AGAP1: variants seen among roughly 807,000 people sequenced by gnomAD.
The protein encoded by AGAP1 is ArfGAP with GTPase domain, ankyrin repeat and PH domain 1, also known as arf-GAP with GTPase, ANK repeat and PH domain-containing protein 1.
AGAP1 carries 29 observed loss-of-function variants against 105.3 expected under a neutral mutation model. The observed-to-expected ratio is 0.28, with a 90% CI of 0.21 to 0.38. AGAP1 has a LOEUF of 0.38. Among genes scored for constraint, AGAP1 ranks in the 10% least tolerant of loss-of-function variants. The pLI, the probability that AGAP1 is intolerant of heterozygous loss-of-function variation, is 1.00. For synonymous variants in AGAP1, 509 were observed against 485.9 expected (o/e 1.05, Z -0.63); for missense variants, 998 against 1,165.1 (o/e 0.86, Z 2.09).
intron 16 of AGAP1, among the ~76,000 whole-genome samples, chr2:236,106,452 C>T (rs547067287): frequency 1.2e-4 from 18 of 152,334 alleles, no homozygotes; most frequent in Admixed American, 9.1e-4. Context: ...CCCGGGCTGT[C>T]GTGTGCGTGA....
rs938652165 is a variant in AGAP1 at position 235,744,618 on chromosome 2, C to A, written c.397-80C>A. On this transcript the variant is annotated intron_variant, in intron 4 of 17. Transcript: ENST00000304032. This position sits in a 1 kb window ranked among gnomAD's most constrained non-coding sequence, Gnocchi z 5.2. ...GGGGATTCCTGCAGCCCCCTGCTGC[C>A]TGCCGCCATGCAGACATCTCTGTTC... The A allele has an allele frequency of 5.1e-6, 8 of 1,565,046 alleles. No individual in the cohort carries two copies. In the South Asian group the frequency reaches 9.2e-5, roughly 18 times the overall value.
chr2:235,513,825 A>T (rs1401356453), intron 1 of AGAP1, among the ~76,000 whole-genome samples: 1 of 152,174 alleles, frequency 6.6e-6, no homozygotes, highest in Non-Finnish European at 1.5e-5. Flanking sequence ...AGAAGCATTG[A>T]AACTGGTTTG....
chr2:235,783,701 A>AT (rs1248051529), intron 6 of AGAP1, among the ~76,000 whole-genome samples: 1 of 151,798 alleles, frequency 6.6e-6, no homozygotes, highest in Non-Finnish European at 1.5e-5. Context: ...AATCGGAAGA[A>AT]TGGTTGCCAG....
chr2:235,796,600 C>G (rs997775055), intron 6 of AGAP1, among the ~76,000 whole-genome samples: 1 of 152,166 alleles, frequency 6.6e-6, no homozygotes, highest in Non-Finnish European at 1.5e-5. Flanking sequence ...CATATTTATA[C>G]TATCATTCAT....
At position 235,691,241 on chromosome 2, in the gene AGAP1, G is replaced by A. The variant is rs779602768; in HGVS notation, c.164-17938G>A. ...TTCCCACCGTCAATCAAGCACATGCGCATAGGGCTCTGTGCCTGGCCCCAG... is the reference window on the plus strand; with the variant it reads ...TTCCCACCGTCAATCAAGCACATGCACATAGGGCTCTGTGCCTGGCCCCAG... On this transcript the variant is annotated intron_variant, in intron 1 of 17. Coordinates refer to ENST00000304032, the MANE Select transcript of AGAP1 (RefSeq NM_001037131.3). This position sits in a 1 kb window ranked among gnomAD's most constrained non-coding sequence, Gnocchi z 4.4. 1.3e-5 allele frequency among the ~76,000 whole-genome samples: 2 copies of A among 152,106 alleles called. No individual in the cohort carries two copies. Among genetic ancestry groups the A allele is most frequent in the African/African-American group, 2.4e-5 (1 of 41,412 alleles).
chr2:235,615,763 C>A lies in AGAP1; in HGVS notation c.164-93416C>A, dbSNP rs1316143844. Among the ~76,000 whole-genome samples the A allele has an allele frequency of 2.0e-5, 3 of 152,032 alleles. No individual in the cohort carries two copies. Among genetic ancestry groups the A allele is most frequent in the African/African-American group, 7.2e-5 (3 of 41,388 alleles). On this transcript the variant is annotated intron_variant, in intron 1 of 17. Coordinates refer to ENST00000304032, the MANE Select transcript of AGAP1 (RefSeq NM_001037131.3). The surrounding 1 kb of genome is among the most constrained non-coding windows in gnomAD (Gnocchi z 5.0). ...CTCAAAAAATGAATTTTTGAGTGTT[C>A]CTATATTCTTGGGGATGAACTTCAA...
Position 235,973,493 on chromosome 2 carries a change from A to G in AGAP1, c.1645+4870A>G, listed in dbSNP as rs2054737678. Among the ~76,000 whole-genome samples, 1 of 152,048 alleles carries G rather than the reference A, an allele frequency of 6.6e-6. No individual in the cohort carries two copies. Among genetic ancestry groups the G allele is most frequent in the African/African-American group, 2.4e-5 (1 of 41,400 alleles). ...TTGAGACCAATGGAAGGAAATTGAGATGTGACTGGGCAGGATGGTGACAGG... is the reference window on the plus strand; with the variant it reads ...TTGAGACCAATGGAAGGAAATTGAGGTGTGACTGGGCAGGATGGTGACAGG... On this transcript the variant is annotated intron_variant, in intron 13 of 17. Transcript: ENST00000304032. This position sits in a 1 kb window ranked among gnomAD's most constrained non-coding sequence, Gnocchi z 4.7.
intron 1 of AGAP1, among the ~76,000 whole-genome samples, chr2:235,531,728 C>T (rs929420495): frequency 4.6e-5 from 7 of 151,932 alleles, no homozygotes; most frequent in African/African-American, 1.7e-4. Flanking sequence ...CCGTCTCAGC[C>T]TCCCAGAGTA....
intron 13 of AGAP1, among the ~76,000 whole-genome samples, chr2:235,986,539 T>G (rs1301639904): frequency 6.6e-6 from 1 of 152,178 alleles, no homozygotes; most frequent in East Asian, 1.9e-4. Flanking sequence ...AGAGCATCCT[T>G]GTCTTGTACC....
rs568461361 is a variant in AGAP1 at position 235,741,430 on chromosome 2, C to T, written c.396+382C>T. ...CTCTAGAGCAGTGAGAGTTAGAGAG[C>T]TTGCTGGGTGCAATTGGGAGTCCCA... On this transcript the variant is annotated intron_variant, in intron 4 of 17. Transcript: ENST00000304032. This position sits in a 1 kb window ranked among gnomAD's most constrained non-coding sequence, Gnocchi z 4.9. 3.5e-4 allele frequency among the ~76,000 whole-genome samples: 54 copies of T among 152,300 alleles called. No individual in the cohort carries two copies. The highest frequency in any genetic ancestry group is 1.3e-3 in the African/African-American group (53 of 41,578).
chr2:235,565,009 A>C (rs1386504014), intron 1 of AGAP1, among the ~76,000 whole-genome samples: 2 of 139,370 alleles, frequency 1.4e-5, no homozygotes, highest in African/African-American at 2.7e-5. Context: ...GGTGTAAGCC[A>C]GGGTCATCCT....
intron 12 of AGAP1, among the ~76,000 whole-genome samples, chr2:235,954,502 T>C (rs1470803403): frequency 6.7e-6 from 1 of 150,284 alleles, no homozygotes; most frequent in Non-Finnish European, 1.5e-5. Context: ...CTCCTTACAA[T>C]GCCTCATCTT....
At chr2:236,043,760 T>A (rs2057632531) in intron 15 of AGAP1, among the ~76,000 whole-genome samples, 1 of 150,912 alleles carries the variant, frequency 6.6e-6, no homozygotes. Context: ...TTAATTGAGA[T>A]AAAGAAACTT....
intron 6 of AGAP1, among the ~76,000 whole-genome samples, chr2:235,785,916 C>T (rs867391435): frequency 2.0e-5 from 3 of 151,712 alleles, no homozygotes; most frequent in Admixed American, 6.6e-5. Flanking sequence ...TTAAAAAAAA[C>T]GTGGATGGAA....
Position 235,590,712 on chromosome 2 carries a change from T to TGTGCGC in AGAP1, c.163+95864_163+95865insTGCGCG, listed in dbSNP as rs369129304. ...GTGTGCGTGTGTGTGTGTGTGTGTG[T>TGTGCGC]GCATTTTTTTTTTTTTTTTTTTTTT... On this transcript the variant is annotated intron_variant, in intron 1 of 17. Transcript: ENST00000304032. Among the ~76,000 whole-genome samples, 421 of 117,032 alleles carry TGTGCGC rather than the reference T, an allele frequency of 3.6e-3. 3 individuals are homozygous for TGTGCGC. The highest frequency in any genetic ancestry group is 5.0e-3 in the Non-Finnish European group (305 of 60,546). The allele number at this position is 117,032 out of a possible 152,430, so 76.8% of individuals were successfully genotyped here. A position where few individuals can be genotyped will look rare whatever the true frequency, so the allele number is the denominator to read the frequency against.
chr2:235,505,533 G>A (rs560933080), intron 1 of AGAP1, among the ~76,000 whole-genome samples: 49 of 152,274 alleles, frequency 3.2e-4, no homozygotes, highest in Non-Finnish European at 5.6e-4. Context: ...ATTTTATCAA[G>A]CCTCTGCACT....
Position 235,904,194 on chromosome 2 carries a change from G to A in AGAP1, c.1156-4544G>A, listed in dbSNP as rs879857580. Among the ~76,000 whole-genome samples the A allele has an allele frequency of 4.6e-5, 7 of 152,112 alleles. No homozygotes were observed. The highest frequency in any genetic ancestry group is 1.9e-4 in the East Asian group (1 of 5,180). ...CATTAATGCAGCTAATTAAGTGTACGGCAATAGATGCAACATAATTAGGAG... is the reference window on the plus strand; with the variant it reads ...CATTAATGCAGCTAATTAAGTGTACAGCAATAGATGCAACATAATTAGGAG... On this transcript the variant is annotated intron_variant, in intron 10 of 17. Transcript: ENST00000304032. The surrounding 1 kb of genome is among the most constrained non-coding windows in gnomAD (Gnocchi z 4.2).
rs191083208 is a variant in AGAP1, at chr2:235,725,138, C to T, written c.310+7494C>T. Among the ~76,000 whole-genome samples the T allele has an allele frequency of 1.8e-3, 270 of 152,304 alleles. No individual in the cohort carries two copies. The highest frequency in any genetic ancestry group is 3.1e-3 in the Non-Finnish European group (208 of 68,032). On this transcript the variant is annotated intron_variant, in intron 3 of 17. Transcript: ENST00000304032. This position sits in a 1 kb window ranked among gnomAD's most constrained non-coding sequence, Gnocchi z 5.7. The stretch of plus-strand genomic sequence containing the variant: ...TGCTGGATGAGAGTTCTACTGGCCA[C>T]TGGCTTCTGGCCTCCAGGGCCAGCT...
In AGAP1 at chr2:235,934,516, C is replaced by T. The variant is rs2052893133; in HGVS notation, c.1483+3593C>T. ...ACACCAGGGCACAGGATCTGATGGA[C>T]AACTTCCAGAAAACGTGTTTATGAA... On this transcript the variant is annotated intron_variant, in intron 12 of 17. Transcript: ENST00000304032. This position sits in a 1 kb window ranked among gnomAD's most constrained non-coding sequence, Gnocchi z 4.9. 6.6e-6 allele frequency among the ~76,000 whole-genome samples: 1 copy of T among 152,214 alleles called. No homozygotes were observed. The highest frequency in any genetic ancestry group is 6.5e-5 in the Admixed American group (1 of 15,290).
Sources: allele counts gnomAD v4.1 joint callset (sites outside exome capture counted in the v4.1 genomes callset), GRCh38; gene constraint gnomAD v4.1.1; non-coding constraint Gnocchi (gnomAD v3.1); transcripts MANE v1.5; gene names NCBI Gene and HGNC (gene_info 2026-07-23, HGNC 2026-07-21).